The following AGPS variants were observed in gnomAD, a reference collection of about 807,000 sequenced individuals.
The protein encoded by AGPS is alkylglycerone phosphate synthase.
In AGPS, 26 loss-of-function variants were observed where a neutral mutation model predicts 90.7. The observed-to-expected ratio is 0.29, with a 90% confidence interval of 0.21 to 0.40. The LOEUF (loss-of-function observed/expected upper bound fraction) is 0.40. Among genes scored for constraint, AGPS ranks in the 10% least tolerant of loss-of-function variants. The probability of loss-of-function intolerance (pLI) is 1.00; values close to 1 mark genes in which losing one functional copy is unlikely to be tolerated. For missense variants in AGPS, 540 were observed against 816.1 expected, an observed-to-expected ratio of 0.66 and a Z score of 4.12; for synonymous variants, 294 against 285.3, an observed-to-expected ratio of 1.03 and a Z score of -0.31.
rs761362861 is a variant in AGPS, at chr2:177,437,069, C to T, written c.637+15C>T. On this transcript the variant is annotated intron_variant, in intron 5 of 19. Transcript: ENST00000264167. ...TTTATGGCCAAGTAAGTTTTCCCCT[C>T]CTCGTATCATTAATTTAGTATTGCT... 3.2e-5 allele frequency: 51 copies of T among 1,610,168 alleles called. No homozygotes were observed. The highest frequency in any genetic ancestry group is 1.7e-4 in the Middle Eastern group (1 of 6,044).
At chr2:177,405,636 T>C (rs1685445636) in intron 1 of AGPS, among the ~76,000 whole-genome samples, 1 of 151,532 alleles carries the variant, frequency 6.6e-6, no homozygotes, top group Non-Finnish European at 1.5e-5. Flanking sequence ...GATGTTCTTA[T>C]CTCTTCTTAG....
intron 1 of AGPS, among the ~76,000 whole-genome samples, chr2:177,399,400 C>G (rs1018297861): frequency 7.2e-5 from 11 of 152,034 alleles, no homozygotes; most frequent in African/African-American, 2.7e-4. Context: ...TTTGTTGGGT[C>G]TTGGGGGTGA....
chr2:177,473,447 C>A (rs1687685481), intron 10 of AGPS, among the ~76,000 whole-genome samples: 2 of 151,990 alleles, frequency 1.3e-5, no homozygotes, highest in Non-Finnish European at 2.9e-5. Context: ...ACAGAAAATT[C>A]TGAAGTTTAT....
At chr2:177,436,098 T>C (rs1009356029) in intron 3 of AGPS, among the ~76,000 whole-genome samples, 1 of 151,322 alleles carries the variant, frequency 6.6e-6, no homozygotes, top group Non-Finnish European at 1.5e-5. Flanking sequence ...GGCTTTCTGT[T>C]GATCACTTTA....
chr2:177,475,701 A>G (rs1336789138), intron 10 of AGPS, among the ~76,000 whole-genome samples: 3 of 152,074 alleles, frequency 2.0e-5, no homozygotes, highest in Non-Finnish European at 4.4e-5. Flanking sequence ...TACTCCATTC[A>G]TTACTGAGAT....
At chr2:177,419,159 T>C (rs1485931390) in intron 1 of AGPS, among the ~76,000 whole-genome samples, 1 of 151,934 alleles carries the variant, frequency 6.6e-6, no homozygotes, top group Non-Finnish European at 1.5e-5. Context: ...ATTATGTTCA[T>C]GTTCATTTGT....
chr2:177,461,861 T>G (rs766463667), intron 8 of AGPS, 32 bp from the exon 9 acceptor site: 2 of 1,597,078 alleles, frequency 1.3e-6, no homozygotes, highest in South Asian at 1.1e-5. Context: ...GGGACCATTT[T>G]CACTGTAAAA....
chr2:177,394,539 A>C (rs1270276129), intron 1 of AGPS, among the ~76,000 whole-genome samples: 1 of 152,156 alleles, frequency 6.6e-6, no homozygotes, highest in African/African-American at 2.4e-5. Context: ...TGTTTACAGG[A>C]TTTTACGTGG....
chr2:177,392,941 A>G lies in AGPS; in HGVS notation c.152A>G (p.Glu51Gly), dbSNP rs1241801131. The G allele has an allele frequency of 1.3e-6, 2 of 1,549,998 alleles. No individual in the cohort carries two copies. Among genetic ancestry groups the G allele is most frequent in the South Asian group, 1.2e-5 (1 of 84,058 alleles). ...LSGHLLGRPR[E>G]ALSTNECKAR... Reference sequence around the variant, plus strand: ...GGCCATCTGCTGGGCCGGCCCCGGGAGGCTCTGAGTACCAATGAGTGCAAA... The same window carrying G: ...GGCCATCTGCTGGGCCGGCCCCGGGGGGCTCTGAGTACCAATGAGTGCAAA... The change falls in exon 1 of 20, where the codon GAG becomes GGG. Residue 51 changes from glutamate (E) to glycine (G), a missense_variant. Coordinates refer to ENST00000264167, the MANE Select transcript of AGPS (RefSeq NM_003659.4).
chr2:177,392,800 C>A lies in AGPS; in HGVS notation c.11C>A (p.Ala4Glu), dbSNP rs1197778230. The change falls in exon 1 of 20, where the codon GCG becomes GAG. Residue 4 changes from alanine (A) to glutamate (E), a missense_variant. By Grantham distance (107) the Ala-to-Glu change is moderately radical. This residue lies in a region of AGPS where 135 missense variants were observed against 124.0 expected (regional missense o/e 1.09). Transcript: ENST00000264167. MAE[A>E]AAAAGGTGLG... is the part of the protein sequence containing the mutation. ...CACAAGGCGGTAGCCATGGCGGAGG[C>A]GGCGGCTGCAGCGGGTGGGACTGGC... 2.0e-6 allele frequency: 3 copies of A among 1,501,034 alleles called. No homozygotes were observed. The highest frequency in any genetic ancestry group is 2.9e-5 in the African/African-American group (2 of 69,104). The allele number at this position is 1,501,034 out of a possible 1,614,324, so 93.0% of individuals were successfully genotyped here.
chr2:177,419,584 A>G (rs1352905817), intron 1 of AGPS, among the ~76,000 whole-genome samples: 1 of 151,966 alleles, frequency 6.6e-6, no homozygotes, highest in Non-Finnish European at 1.5e-5. Flanking sequence ...AAGGATTTTT[A>G]CAACTATGAA....
At chr2:177,444,016 G>A (rs1686692032) in intron 7 of AGPS, among the ~76,000 whole-genome samples, 1 of 151,916 alleles carries the variant, frequency 6.6e-6, no homozygotes, top group African/African-American at 2.4e-5. Context: ...TATATATAAG[G>A]TACCATCAGA....
intron 2 of AGPS, among the ~76,000 whole-genome samples, chr2:177,430,952 T>C (rs1383725237): frequency 3.9e-5 from 6 of 152,216 alleles, no homozygotes; most frequent in Non-Finnish European, 8.8e-5. Flanking sequence ...TTTGATGGCA[T>C]AATTTTTAAT....
chr2:177,530,221 G>A (rs964217771), intron 19 of AGPS, among the ~76,000 whole-genome samples: 6 of 152,070 alleles, frequency 3.9e-5, no homozygotes, highest in Admixed American at 2.0e-4. Context: ...CTTACAATCA[G>A]CATGAAAGAA....
At chr2:177,397,422 C>T (rs1270612924) in intron 1 of AGPS, among the ~76,000 whole-genome samples, 1 of 150,226 alleles carries the variant, frequency 6.7e-6, no homozygotes, top group Non-Finnish European at 1.5e-5. Context: ...TAGTAAATGT[C>T]AATTACATAT....
intron 17 of AGPS, among the ~76,000 whole-genome samples, chr2:177,516,640 T>C (rs1419142523): frequency 6.6e-6 from 1 of 152,180 alleles, no homozygotes; most frequent in African/African-American, 2.4e-5. Context: ...CAGTAATCTG[T>C]TCATCTACTG....
chr2:177,514,152 A>G (rs1688959395), intron 17 of AGPS, among the ~76,000 whole-genome samples: 2 of 152,144 alleles, frequency 1.3e-5, no homozygotes, highest in South Asian at 4.1e-4. Context: ...GTGGCATGGC[A>G]GTGAAGAGCC....
At chr2:177,404,884 T>TGG (rs2105590495) in intron 1 of AGPS, among the ~76,000 whole-genome samples, 1 of 152,346 alleles carries the variant, frequency 6.6e-6, no homozygotes, top group African/African-American at 2.4e-5. Flanking sequence ...CACTCAGATT[T>TGG]TATACAATTG....
intron 18 of AGPS, among the ~76,000 whole-genome samples, chr2:177,522,146 A>G (rs1689213290): frequency 6.6e-6 from 1 of 152,038 alleles, no homozygotes; most frequent in South Asian, 2.1e-4. Context: ...TAATGTGTAC[A>G]GTTTTGACAT....
Sources: allele counts gnomAD v4.1 joint callset (sites outside exome capture counted in the v4.1 genomes callset), GRCh38; gene constraint gnomAD v4.1.1; regional missense constraint gnomAD v4.1.1; transcripts MANE v1.5; gene names NCBI Gene and HGNC (gene_info 2026-07-23, HGNC 2026-07-21).